ARHGAP26: variants seen among roughly 807,000 people sequenced by gnomAD.
The protein encoded by ARHGAP26 is rho GTPase-activating protein 26.
A neutral mutation model predicts 104.8 loss-of-function variants in ARHGAP26; 38 were observed. That is an observed-to-expected ratio of 0.36 (90% CI 0.28 to 0.48). The LOEUF (loss-of-function observed/expected upper bound fraction) is 0.48, where lower values mean the gene tolerates loss of function less well. ARHGAP26 is among the 20% of genes least tolerant of loss of function. The pLI, the probability that ARHGAP26 is intolerant of heterozygous loss-of-function variation, is 0.99. For synonymous variants in ARHGAP26, 341 were observed against 340.0 expected (o/e 1.00, Z -0.03); for missense variants, 704 against 947.9 (o/e 0.74, Z 3.38).
chr5:142,955,600 C>T (rs185251341), intron 11 of ARHGAP26, among the ~76,000 whole-genome samples: 6 of 152,248 alleles, frequency 3.9e-5, no homozygotes, highest in East Asian at 1.9e-4. Flanking sequence ...ACAAACCTCC[C>T]GCCTCAATCA....
At chr5:143,068,856 T>G (rs533466518) in intron 17 of ARHGAP26, among the ~76,000 whole-genome samples, 37 of 152,358 alleles carry the variant, frequency 2.4e-4, no homozygotes, top group African/African-American at 7.5e-4. Flanking sequence ...AATGCCTCAT[T>G]ATCAGTATTG....
At chr5:143,123,495 A>G (rs173497) in intron 18 of ARHGAP26, among the ~76,000 whole-genome samples, 33,451 of 152,172 alleles carry the variant, frequency 0.22, 5,135 homozygotes, top group African/African-American at 0.42. Flanking sequence ...CTTAACTTTA[A>G]CCATCAAATC....
chr5:143,199,570 TA>T (rs997622906), intron 20 of ARHGAP26, among the ~76,000 whole-genome samples: 9 of 152,324 alleles, frequency 5.9e-5, no homozygotes, highest in African/African-American at 1.2e-4. Context: ...TTTTTCATCA[TA>T]GGGGCAAAAT....
intron 22 of ARHGAP26, among the ~76,000 whole-genome samples, chr5:143,214,923 T>C (rs1810102050): frequency 1.3e-5 from 2 of 152,184 alleles, no homozygotes; most frequent in South Asian, 4.1e-4. Flanking sequence ...CTCCATTAAC[T>C]TTCATCTAGG....
At chr5:143,013,974 C>T (rs1779228670) in intron 11 of ARHGAP26, 106 bp from the exon 12 acceptor site, 1 of 1,125,624 alleles carries the variant, frequency 8.9e-7, no homozygotes, top group Non-Finnish European at 1.3e-6. Flanking sequence ...TTACCTTCCA[C>T]TTCATGGTGC....
At chr5:142,898,052 A>G (rs1759730275) in intron 6 of ARHGAP26, among the ~76,000 whole-genome samples, 1 of 152,100 alleles carries the variant, frequency 6.6e-6, no homozygotes, top group Non-Finnish European at 1.5e-5. Flanking sequence ...AAGTACCAGG[A>G]TATTATTGAC....
chr5:143,165,359 G>GA (rs1314934257), intron 20 of ARHGAP26: 2 of 152,212 alleles, frequency 1.3e-5, no homozygotes, highest in Non-Finnish European at 2.9e-5. Flanking sequence ...TTGGGGAACA[G>GA]AAATATCTAA....
At chr5:142,797,564 G>T (rs990447795) in intron 1 of ARHGAP26, among the ~76,000 whole-genome samples, 1 of 152,170 alleles carries the variant, frequency 6.6e-6, no homozygotes, top group Non-Finnish European at 1.5e-5. Flanking sequence ...CTCACCCTAC[G>T]TGGTTGCTTT....
At chr5:143,154,160 T>TAAAA (rs10650559) in intron 20 of ARHGAP26, among the ~76,000 whole-genome samples, 1,957 of 142,488 alleles carry the variant, frequency 0.014, 33 homozygotes, top group East Asian at 0.037. Context: ...TTAAAAATAT[T>TAAAA]AAAAAAAAAA....
intron 1 of ARHGAP26, among the ~76,000 whole-genome samples, chr5:142,777,776 C>T (rs978023934): frequency 3.9e-5 from 6 of 151,966 alleles, no homozygotes; most frequent in South Asian, 2.1e-4. Context: ...GCCAGTGGCG[C>T]GGCCAGTTGT....
intron 20 of ARHGAP26, among the ~76,000 whole-genome samples, chr5:143,167,307 TAAAA>T (rs35142931): frequency 4.1e-5 from 4 of 96,914 alleles, no homozygotes; most frequent in African/African-American, 4.1e-5. Context: ...ATCTCTACTT[TAAAA>T]AAAAAAAAAA....
At chr5:143,080,221 G>A (rs946185838) in intron 17 of ARHGAP26, among the ~76,000 whole-genome samples, 1 of 152,202 alleles carries the variant, frequency 6.6e-6, no homozygotes, top group Non-Finnish European at 1.5e-5. Context: ...GCCCAAGACA[G>A]AGTCCCTGCT....
chr5:143,012,892 G>A (rs1779095403), intron 11 of ARHGAP26, among the ~76,000 whole-genome samples: 1 of 151,764 alleles, frequency 6.6e-6, no homozygotes, highest in African/African-American at 2.4e-5. Context: ...CTGACCTCAT[G>A]ATCCACCCGC....
intron 1 of ARHGAP26, among the ~76,000 whole-genome samples, chr5:142,776,362 AC>A (rs1249967780): frequency 1.3e-5 from 2 of 152,042 alleles, no homozygotes; most frequent in African/African-American, 4.8e-5. Context: ...CATTTTTAGC[AC>A]CCCGAAAAGC....
intron 17 of ARHGAP26, among the ~76,000 whole-genome samples, chr5:143,107,339 G>T (rs1356483776): frequency 6.6e-6 from 1 of 152,114 alleles, no homozygotes; most frequent in Admixed American, 6.6e-5. Context: ...TCATTAAGTG[G>T]TTTCATCTCT....
At chr5:142,814,258 C>G (rs531695703) in intron 1 of ARHGAP26, among the ~76,000 whole-genome samples, 1 of 152,208 alleles carries the variant, frequency 6.6e-6, no homozygotes, top group Non-Finnish European at 1.5e-5. Context: ...ATGGCTAGAG[C>G]CTTCCGGTAA....
At chr5:142,818,202 A>G (rs1172537992) in intron 1 of ARHGAP26, among the ~76,000 whole-genome samples, 1 of 150,800 alleles carries the variant, frequency 6.6e-6, no homozygotes, top group Non-Finnish European at 1.5e-5. Context: ...GGAGAATGCC[A>G]TGTACCAATT....
intron 1 of ARHGAP26, among the ~76,000 whole-genome samples, chr5:142,791,715 G>A (rs1213177204): frequency 6.6e-6 from 1 of 152,120 alleles, no homozygotes; most frequent in Non-Finnish European, 1.5e-5. Flanking sequence ...TGTAATCCCA[G>A]CACTTTGGGA....
intron 20 of ARHGAP26, among the ~76,000 whole-genome samples, chr5:143,157,252 C>T (rs753780320): frequency 6.6e-6 from 1 of 151,368 alleles, no homozygotes; most frequent in African/African-American, 2.4e-5. Flanking sequence ...TCTTAGCCCA[C>T]TGCAACCTCC....
Sources: allele counts gnomAD v4.1 joint callset (sites outside exome capture counted in the v4.1 genomes callset), GRCh38; gene constraint gnomAD v4.1.1; transcripts MANE v1.5; gene names NCBI Gene and HGNC (gene_info 2026-07-23, HGNC 2026-07-21).